TBC1D14: variants seen among roughly 807,000 people sequenced by gnomAD.
TBC1D14 encodes TBC1 domain family, member 14.
Under a neutral mutation model 79.0 loss-of-function variants are expected in TBC1D14, and 26 were observed. The observed-to-expected ratio is 0.33, with a 90% CI of 0.24 to 0.46. The LOEUF is 0.46. TBC1D14 is among the 20% of genes least tolerant of loss of function. The pLI, the probability that TBC1D14 is intolerant of heterozygous loss-of-function variation, is 1.00. For synonymous variants in TBC1D14, 394 were observed against 349.9 expected, an observed-to-expected ratio of 1.13 and a Z score of -1.40; for missense variants, 769 against 887.6, an observed-to-expected ratio of 0.87 and a Z score of 1.70.
chr4:6,996,235 A>T, intron 4 of TBC1D14, 90 bp from the exon 5 acceptor site: 1 of 1,042,832 alleles, frequency 9.6e-7, no homozygotes, highest in Non-Finnish European at 1.5e-6. Context: ...TTTGAGCTTT[A>T]TATTTTTTAG....
intron 2 of TBC1D14, among the ~76,000 whole-genome samples, chr4:6,924,510 C>T (rs1419374281): frequency 6.6e-6 from 1 of 152,188 alleles, no homozygotes; most frequent in African/African-American, 2.4e-5. Flanking sequence ...CTGCCAGCCC[C>T]TGCTGGCATA....
At position 7,030,669 on chromosome 4, in the gene TBC1D14, C is replaced by G. The variant is rs565886760; in HGVS notation, c.*277C>G. The G allele has an allele frequency of 5.3e-5, 18 of 342,382 alleles. No individual in the cohort carries two copies. The highest frequency in any genetic ancestry group is 2.0e-4 in the South Asian group (5 of 25,168). The allele number at this position is 342,382 out of a possible 1,614,324, so 21.2% of individuals were successfully genotyped here. Reference sequence around the variant, plus strand: ...TGAACGATGGGCAGTGGCTCACCCCCACTCCTTTATTTCAGCAAAAGCTAA... The same window carrying G: ...TGAACGATGGGCAGTGGCTCACCCCGACTCCTTTATTTCAGCAAAAGCTAA... On this transcript the variant is annotated 3_prime_UTR_variant, in exon 14 of 14. Coordinates refer to ENST00000409757, the MANE Select transcript of TBC1D14 (RefSeq NM_020773.3).
At chr4:6,956,624 G>A (rs1463998392) in intron 2 of TBC1D14, among the ~76,000 whole-genome samples, 1 of 152,238 alleles carries the variant, frequency 6.6e-6, no homozygotes, top group Non-Finnish European at 1.5e-5. Context: ...CCCAGGGACC[G>A]GGGTTGCTTG....
chr4:6,980,743 T>C (rs1461886030), intron 3 of TBC1D14, among the ~76,000 whole-genome samples: 1 of 150,732 alleles, frequency 6.6e-6, no homozygotes, highest in Non-Finnish European at 1.5e-5. Context: ...TGATACGGAG[T>C]CTCGCTTTGC....
chr4:6,924,818 T>C (rs1300138874), intron 2 of TBC1D14, among the ~76,000 whole-genome samples: 1 of 152,168 alleles, frequency 6.6e-6, no homozygotes, highest in African/African-American at 2.4e-5. Context: ...TCCTAGGCCC[T>C]GTTCTAGGCT....
rs535660038 is a variant in TBC1D14 at position 6,951,871 on chromosome 4, G to T, written c.723-15433G>T. ...TTAATTTTGTTGTTGTTGTTGTTGA[G>T]GTATAATATATAAATTGTGACTGTT... On this transcript the variant is annotated intron_variant, in intron 2 of 13. Coordinates refer to ENST00000409757, the MANE Select transcript of TBC1D14 (RefSeq NM_020773.3). 4.1e-4 allele frequency among the ~76,000 whole-genome samples: 62 copies of T among 152,194 alleles called. No homozygotes were observed. In the South Asian group the frequency reaches 0.012, roughly 30 times the overall value.
At chr4:6,912,542 A>C (rs1240844003) in intron 1 of TBC1D14, among the ~76,000 whole-genome samples, 4 of 152,160 alleles carry the variant, frequency 2.6e-5, no homozygotes, top group African/African-American at 7.2e-5. Context: ...CCAGAGCTCC[A>C]TCAGTATCAC....
chr4:6,916,774 CTT>C (rs1723433511), intron 1 of TBC1D14, among the ~76,000 whole-genome samples: 1 of 152,210 alleles, frequency 6.6e-6, no homozygotes, highest in African/African-American at 2.4e-5. Context: ...CACATCTTGT[CTT>C]TCTCTTGGCC....
intron 3 of TBC1D14, among the ~76,000 whole-genome samples, chr4:6,980,285 A>C (rs1717245949): frequency 6.6e-6 from 1 of 152,260 alleles, no homozygotes; most frequent in Non-Finnish European, 1.5e-5. Context: ...AACAAGTAGC[A>C]TACTTCTAAA....
intron 8 of TBC1D14, 68 bp from the exon 9 acceptor site, chr4:7,006,564 C>G (rs1395427827): frequency 1.4e-6 from 2 of 1,445,998 alleles, no homozygotes; most frequent in East Asian, 2.3e-5. Flanking sequence ...TGTAAAACTT[C>G]AAAGGCTCGT....
intron 11 of TBC1D14, among the ~76,000 whole-genome samples, chr4:7,012,698 G>A (rs1396697830): frequency 6.6e-6 from 1 of 152,172 alleles, no homozygotes; most frequent in Non-Finnish European, 1.5e-5. Context: ...ACAATAAAAG[G>A]AAATATGCCA....
chr4:7,004,364 G>A lies in TBC1D14; in HGVS notation c.1271-480G>A, dbSNP rs115852124. On this transcript the variant is annotated intron_variant, in intron 7 of 13. Transcript: ENST00000409757. The stretch of plus-strand genomic sequence containing the variant: ...GGCAGCAAGACGAGGCCTGTGCCAG[G>A]TGGGGGCAATTGCACCATGTCCTTT... Among the ~76,000 whole-genome samples, 608 of 152,368 alleles carry A rather than the reference G, an allele frequency of 4.0e-3. 8 individuals carry two copies. The highest frequency in any genetic ancestry group is 0.014 in the African/African-American group (588 of 41,584).
chr4:6,941,331 G>A (rs1246748870), intron 2 of TBC1D14, among the ~76,000 whole-genome samples: 9 of 151,926 alleles, frequency 5.9e-5, no homozygotes, highest in African/African-American at 1.5e-4. Context: ...GACTACAGGC[G>A]TCCGCCACCA....
intron 11 of TBC1D14, 45 bp downstream of exon 11, chr4:7,010,826 T>A: frequency 6.3e-7 from 1 of 1,580,678 alleles, no homozygotes; most frequent in Non-Finnish European, 8.6e-7. Flanking sequence ...TGTCTTTAAA[T>A]GTCAAGAGTT....
chr4:6,926,180 C>T (rs1010210840), intron 2 of TBC1D14, among the ~76,000 whole-genome samples: 2 of 152,244 alleles, frequency 1.3e-5, no homozygotes, highest in African/African-American at 2.4e-5. Flanking sequence ...TCTCCGCTGC[C>T]TCACCTGAGA....
intron 12 of TBC1D14, among the ~76,000 whole-genome samples, chr4:7,019,398 G>T (rs892872585): frequency 6.6e-6 from 1 of 152,160 alleles, no homozygotes; most frequent in African/African-American, 2.4e-5. Context: ...CTTGCACTTG[G>T]GTCGTCTCTG....
chr4:6,918,423 A>G (rs928090162), intron 1 of TBC1D14, among the ~76,000 whole-genome samples: 2 of 152,214 alleles, frequency 1.3e-5, no homozygotes, highest in Admixed American at 6.5e-5. Flanking sequence ...GTTTTGCTGT[A>G]CTAGGAAGTA....
chr4:6,970,420 T>A (rs1161047480), intron 3 of TBC1D14, among the ~76,000 whole-genome samples: 1 of 152,228 alleles, frequency 6.6e-6, no homozygotes, highest in East Asian at 1.9e-4. Flanking sequence ...GCACTCAGAA[T>A]AGTAGTGGAC....
intron 1 of TBC1D14, among the ~76,000 whole-genome samples, chr4:6,915,017 C>T (rs935044575): frequency 3.9e-5 from 6 of 152,094 alleles, no homozygotes; most frequent in South Asian, 2.1e-4. Flanking sequence ...CCAGCCTGGG[C>T]GACAGAGTGA....
Sources: allele counts gnomAD v4.1 joint callset (sites outside exome capture counted in the v4.1 genomes callset), GRCh38; gene constraint gnomAD v4.1.1; transcripts MANE v1.5; gene names NCBI Gene and HGNC (gene_info 2026-07-23, HGNC 2026-07-21).